The following DCAF8L2 variants were observed in gnomAD, a reference collection of about 807,000 sequenced individuals.
DCAF8L2 encodes the protein DDB1- and CUL4-associated factor 8-like protein 2.
For synonymous variants in DCAF8L2, 200 were observed against 190.9 expected, an observed-to-expected ratio of 1.05 and a Z score of -0.39; for missense variants, 430 against 490.7, an observed-to-expected ratio of 0.88 and a Z score of 1.17.
At chrX:27,713,873 G>A (rs1048929761) in intron 3 of DCAF8L2, among the ~76,000 whole-genome samples, 3 of 110,804 alleles carry the variant, frequency 2.7e-5, no homozygotes, top group Non-Finnish European at 3.8e-5. Flanking sequence ...GAGAAAAGAG[G>A]GTAATATCAG....
chrX:27,547,820 GCT>G, the DCAF8L2 span, among the ~76,000 whole-genome samples: 73 of 66,340 alleles, frequency 1.1e-3, no homozygotes, highest in African/African-American at 1.2e-3. Flanking sequence ...TTCCCCATTT[GCT>G]CTCTCTCTCT....
intron 1 of DCAF8L2, among the ~76,000 whole-genome samples, chrX:27,604,197 G>A (rs1231449395): frequency 2.7e-5 from 3 of 110,797 alleles, no homozygotes; most frequent in African/African-American, 9.8e-5. Context: ...TGAAGATATG[G>A]GACTTTGGGG....
chrX:27,741,926 A>G (rs73628831), intron 4 of DCAF8L2, among the ~76,000 whole-genome samples: 1,957 of 112,200 alleles, frequency 0.017, 48 homozygotes, highest in African/African-American at 0.06. Context: ...GAGCACACTC[A>G]GGTCTAGAAA....
At chrX:27,651,808 C>T (rs1185398788) in intron 2 of DCAF8L2, among the ~76,000 whole-genome samples, 2 of 110,931 alleles carry the variant, frequency 1.8e-5, no homozygotes, top group African/African-American at 6.5e-5. Context: ...CCACGCCTGG[C>T]AGATAATCTT....
At chrX:27,645,704 C>A (rs1174706542) in intron 2 of DCAF8L2, among the ~76,000 whole-genome samples, 2 of 111,756 alleles carry the variant, frequency 1.8e-5, no homozygotes, top group African/African-American at 3.3e-5. Context: ...GGCTGATGGG[C>A]AACTTCAGCA....
the DCAF8L2 span, among the ~76,000 whole-genome samples, chrX:27,527,015 AG>A: frequency 8.9e-6 from 1 of 112,023 alleles, no homozygotes; most frequent in Non-Finnish European, 1.9e-5. Context: ...TCAGATCTCA[AG>A]CTCCATGCTA....
chrX:27,556,156 C>G, the DCAF8L2 span, among the ~76,000 whole-genome samples: 1 of 111,298 alleles, frequency 9.0e-6, no homozygotes, highest in Non-Finnish European at 1.9e-5. Flanking sequence ...TACTGTCTCC[C>G]AGCCCTAGGT....
At chrX:27,704,181 C>CATACACACACACATAT (rs1555930616) in intron 3 of DCAF8L2, among the ~76,000 whole-genome samples, 5 of 89,460 alleles carry the variant, frequency 5.6e-5, no homozygotes, top group African/African-American at 2.8e-4. Context: ...TATACATATA[C>CATACACACACACATAT]ACACACACAT....
At chrX:27,501,622 G>A in the DCAF8L2 span, among the ~76,000 whole-genome samples, 2 of 111,158 alleles carry the variant, frequency 1.8e-5, no homozygotes, top group African/African-American at 6.6e-5. Flanking sequence ...TCCTGTGATG[G>A]TATAAGCAAG....
chrX:27,538,582 T>A, the DCAF8L2 span, among the ~76,000 whole-genome samples: 1 of 110,115 alleles, frequency 9.1e-6, no homozygotes, highest in African/African-American at 3.3e-5. Context: ...TTAGTAGAGA[T>A]GGGGTTTCAC....
At chrX:27,732,493 C>T (rs73196151) in intron 4 of DCAF8L2, among the ~76,000 whole-genome samples, 168 of 84,156 alleles carry the variant, frequency 2.0e-3, no homozygotes, top group East Asian at 0.012. Flanking sequence ...TGTGTGTGCG[C>T]GTGTGTGTGT....
chrX:27,582,942 T>C, the DCAF8L2 span, among the ~76,000 whole-genome samples: 48,389 of 110,639 alleles, frequency 0.44, 8,776 homozygotes, highest in South Asian at 0.69. Flanking sequence ...TTAGTAACTA[T>C]TTTTTGTGGA....
chrX:27,517,029 C>CA, the DCAF8L2 span, among the ~76,000 whole-genome samples: 3 of 110,167 alleles, frequency 2.7e-5, no homozygotes, highest in African/African-American at 6.6e-5. Flanking sequence ...AAATGGTAGG[C>CA]AAAAAAAGCC....
the DCAF8L2 span, among the ~76,000 whole-genome samples, chrX:27,486,331 G>T: frequency 9.0e-6 from 1 of 110,648 alleles, no homozygotes; most frequent in Non-Finnish European, 1.9e-5. Flanking sequence ...ATAAATAAAA[G>T]AAGGATACAT....
At chrX:27,613,804 A>T (rs985141539) in intron 1 of DCAF8L2, among the ~76,000 whole-genome samples, 8 of 110,387 alleles carry the variant, frequency 7.2e-5, no homozygotes, top group Non-Finnish European at 1.3e-4. Context: ...GACGAAGCCA[A>T]CTTGATCTTG....
intron 3 of DCAF8L2, among the ~76,000 whole-genome samples, chrX:27,705,152 T>C (rs1931300073): frequency 9.0e-6 from 1 of 111,614 alleles, no homozygotes; most frequent in South Asian, 3.7e-4. Flanking sequence ...TTTTCAAGGC[T>C]GCATACTATT....
chrX:27,533,487 T>C, the DCAF8L2 span, among the ~76,000 whole-genome samples: 5 of 111,733 alleles, frequency 4.5e-5, no homozygotes, highest in African/African-American at 1.6e-4. Context: ...TATTAAGATA[T>C]TTATTAATTA....
At chrX:27,618,944 A>T (rs1327728940) in intron 1 of DCAF8L2, among the ~76,000 whole-genome samples, 19 of 110,508 alleles carry the variant, frequency 1.7e-4, no homozygotes, top group Non-Finnish European at 3.4e-4. Flanking sequence ...TTTTTTTATA[A>T]TTAAGCCGAT....
At chrX:27,498,126 C>G in the DCAF8L2 span, among the ~76,000 whole-genome samples, 3 of 112,189 alleles carry the variant, frequency 2.7e-5, no homozygotes. Context: ...GTAAATAGTA[C>G]TGCTATAAAT....
Sources: gnomAD v4.1 joint callset for allele counts (sites outside exome capture counted in the v4.1 genomes callset) on GRCh38, gnomAD v4.1.1 for gene constraint, MANE v1.5 for transcripts, NCBI Gene and HGNC (gene_info 2026-07-23, HGNC 2026-07-21) for gene names.